CLIP1: variants seen among roughly 807,000 people sequenced by gnomAD.
CLIP1 encodes the protein CAP-Gly domain-containing linker protein 1.
A neutral mutation model predicts 161.6 loss-of-function variants in CLIP1; 66 were observed. That is an observed-to-expected ratio of 0.41 (90% CI 0.33 to 0.50). CLIP1 has a LOEUF of 0.50. Among genes scored for constraint, CLIP1 ranks in the 20% least tolerant of loss-of-function variants. The probability of loss-of-function intolerance (pLI) is 0.27; values close to 1 mark genes in which losing one functional copy is unlikely to be tolerated. For synonymous variants in CLIP1, 598 were observed against 626.2 expected (o/e 0.96, Z 0.67); for missense variants, 1,376 against 1,702.0 (o/e 0.81, Z 3.37).
intron 20 of CLIP1, among the ~76,000 whole-genome samples, chr12:122,305,449 C>T (rs1950829198): frequency 6.6e-6 from 1 of 152,176 alleles, no homozygotes; most frequent in South Asian, 2.1e-4. Context: ...GAAACGAATG[C>T]TCTGTATAGT....
intron 21 of CLIP1, among the ~76,000 whole-genome samples, chr12:122,284,219 A>T (rs574517544): frequency 3.3e-5 from 5 of 152,236 alleles, no homozygotes; most frequent in Non-Finnish European, 7.3e-5. Flanking sequence ...ACTCCCAGAA[A>T]AAGTCATCTT....
chr12:122,327,517 T>G (rs912881004), intron 17 of CLIP1, among the ~76,000 whole-genome samples: 1 of 152,092 alleles, frequency 6.6e-6, no homozygotes, highest in Admixed American at 6.6e-5. Context: ...AGGCTCTCTC[T>G]AGTCCTGATT....
At chr12:122,346,620 A>G (rs1232519189) in intron 10 of CLIP1, among the ~76,000 whole-genome samples, 1 of 152,182 alleles carries the variant, frequency 6.6e-6, no homozygotes, top group Non-Finnish European at 1.5e-5. Flanking sequence ...CTCCTGCCTC[A>G]GCCTCCCATG....
chr12:122,345,288 A>C (rs1593120810), intron 10 of CLIP1, among the ~76,000 whole-genome samples: 1 of 149,708 alleles, frequency 6.7e-6, no homozygotes, highest in Non-Finnish European at 1.5e-5. Flanking sequence ...AGATCCTTCC[A>C]CCTCAGCCTG....
intron 20 of CLIP1, among the ~76,000 whole-genome samples, chr12:122,291,576 C>T (rs1246397425): frequency 6.6e-6 from 1 of 152,068 alleles, no homozygotes; most frequent in African/African-American, 2.4e-5. Flanking sequence ...AGTTTGGATT[C>T]GTCTGATGTT....
chr12:122,335,764 G>A (rs1952187744), intron 12 of CLIP1, among the ~76,000 whole-genome samples: 1 of 151,046 alleles, frequency 6.6e-6, no homozygotes. Flanking sequence ...CCGAGATCGC[G>A]CCACTGCACT....
intron 20 of CLIP1, among the ~76,000 whole-genome samples, chr12:122,306,369 A>C (rs1340148671): frequency 2.0e-5 from 3 of 152,196 alleles, no homozygotes; most frequent in Non-Finnish European, 2.9e-5. Flanking sequence ...TAAAAAATGG[A>C]AAGAGCAGTC....
intron 1 of CLIP1, among the ~76,000 whole-genome samples, chr12:122,384,976 A>G (rs1955185011): frequency 6.8e-6 from 1 of 146,708 alleles, no homozygotes; most frequent in African/African-American, 2.5e-5. Flanking sequence ...CTCTGTCGCC[A>G]GTCTGGAGTG....
intron 17 of CLIP1, among the ~76,000 whole-genome samples, chr12:122,327,500 T>G (rs928561938): frequency 1.3e-5 from 2 of 152,050 alleles, no homozygotes; most frequent in African/African-American, 4.8e-5. Context: ...GCTCTGTTCC[T>G]CCAACCAGGC....
chr12:122,292,957 A>T (rs553455931), intron 20 of CLIP1, among the ~76,000 whole-genome samples: 8 of 146,530 alleles, frequency 5.5e-5, no homozygotes, highest in South Asian at 2.2e-4. Context: ...GGGCCGAGAT[A>T]GCACCACTGC....
chr12:122,421,682 G>A (rs1012901369), intron 1 of CLIP1, among the ~76,000 whole-genome samples: 2 of 152,236 alleles, frequency 1.3e-5, no homozygotes, highest in South Asian at 2.1e-4. Context: ...GTGCAGGGAG[G>A]AGGGGGTGGC....
intron 20 of CLIP1, among the ~76,000 whole-genome samples, chr12:122,307,010 T>TTC (rs1950900095): frequency 7.5e-6 from 1 of 133,726 alleles, no homozygotes; most frequent in Non-Finnish European, 1.6e-5. Context: ...TTTTTTTTTT[T>TTC]TTTTTTTTTT....
chr12:122,336,408 T>C (rs1369801586), intron 12 of CLIP1, among the ~76,000 whole-genome samples: 2 of 75,750 alleles, frequency 2.6e-5, no homozygotes, highest in Non-Finnish European at 4.9e-5. Flanking sequence ...GGCGAAGGGA[T>C]AGATTAAAAA....
Position 122,341,530 on chromosome 12 carries a change from C to T in CLIP1, c.1674G>A (p.Lys558=). Residue 558 remains lysine (K), a synonymous_variant, in exon 11 of 26, where the codon AAG becomes AAA. Coordinates refer to ENST00000620786, the MANE Select transcript of CLIP1 (RefSeq NM_001247997.2). ...GGTGGTCAGTACGGGTGACTTCTAA[C>T]TTTTCTTGCAAAGAGCTTATCTCTT... The part of the protein sequence containing the change: ...LLQEISSLQE[K]LEVTRTDHQR... 6.2e-7 allele frequency: 1 copy of T among 1,614,078 alleles called. No individual in the cohort carries two copies.
intron 20 of CLIP1, among the ~76,000 whole-genome samples, chr12:122,299,932 A>C (rs774056017): frequency 2.0e-5 from 3 of 150,732 alleles, no homozygotes; most frequent in Non-Finnish European, 2.9e-5. Flanking sequence ...AAAAAGAAGG[A>C]AACATATTTC....
chr12:122,354,250 C>G (rs920601685), intron 7 of CLIP1, among the ~76,000 whole-genome samples: 1 of 151,958 alleles, frequency 6.6e-6, no homozygotes, highest in Non-Finnish European at 1.5e-5. Context: ...AAAAAATTAG[C>G]CAGGCGTGGT....
intron 10 of CLIP1, chr12:122,342,380 T>G (rs1285322883): frequency 3.3e-5 from 5 of 152,200 alleles, no homozygotes; most frequent in African/African-American, 1.2e-4. Flanking sequence ...GCTTATCCAT[T>G]TCATGGAGGT....
intron 24 of CLIP1, chr12:122,275,593 A>G (rs1955378980): frequency 6.6e-6 from 1 of 152,110 alleles, no homozygotes; most frequent in Non-Finnish European, 1.5e-5. Flanking sequence ...CCTGGGCAAC[A>G]GAGCAAGACT....
intron 20 of CLIP1, among the ~76,000 whole-genome samples, chr12:122,302,220 C>T (rs1466823024): frequency 6.6e-6 from 1 of 152,016 alleles, no homozygotes; most frequent in Non-Finnish European, 1.5e-5. Context: ...CCTGCCTCAG[C>T]CTCCCAAGTA....
Sources: allele counts gnomAD v4.1 joint callset (sites outside exome capture counted in the v4.1 genomes callset), GRCh38; gene constraint gnomAD v4.1.1; transcripts MANE v1.5; gene names NCBI Gene and HGNC (gene_info 2026-07-23, HGNC 2026-07-21).